CRPPA: variants seen among roughly 807,000 people sequenced by gnomAD.
CRPPA encodes CDP-L-ribitol pyrophosphorylase A, also known as D-ribitol-5-phosphate cytidylyltransferase.
CRPPA carries 43 observed loss-of-function variants against 52.0 expected under a neutral mutation model. The ratio of observed to expected loss-of-function variants is 0.83; its 90% CI spans 0.65 to 1.07. The LOEUF is 1.07. CRPPA is among the 50% of genes least tolerant of loss of function. The pLI is 0.00. For synonymous variants in CRPPA, 250 were observed against 203.5 expected (o/e 1.23, Z -1.94); for missense variants, 629 against 551.7 (o/e 1.14, Z -1.40).
At chr7:16,300,588 G>T (rs944518425) in intron 5 of CRPPA, among the ~76,000 whole-genome samples, 1 of 152,156 alleles carries the variant, frequency 6.6e-6, no homozygotes, top group African/African-American at 2.4e-5. Flanking sequence ...ATCTTTGACT[G>T]TCAAAACCAG....
chr7:16,317,584 G>T (rs1189667200), intron 3 of CRPPA, among the ~76,000 whole-genome samples: 1 of 152,028 alleles, frequency 6.6e-6, no homozygotes, highest in African/African-American at 2.4e-5. Flanking sequence ...AAAATAGTGG[G>T]ATTTATTTCT....
intron 5 of CRPPA, among the ~76,000 whole-genome samples, chr7:16,292,336 T>A (rs1784580499): frequency 6.6e-6 from 1 of 151,898 alleles, no homozygotes; most frequent in African/African-American, 2.4e-5. Context: ...CAGTTGTCCT[T>A]TTGTGCAGGA....
At chr7:16,303,338 G>T (rs1458402324) in intron 4 of CRPPA, among the ~76,000 whole-genome samples, 3 of 151,914 alleles carry the variant, frequency 2.0e-5, no homozygotes, top group Non-Finnish European at 2.9e-5. Context: ...CAAAGTTTCT[G>T]TACAAATCTA....
chr7:16,149,757 G>A (rs1467387480), intron 9 of CRPPA, among the ~76,000 whole-genome samples: 3 of 152,078 alleles, frequency 2.0e-5, no homozygotes, highest in African/African-American at 2.4e-5. Context: ...AGGCTGAGGC[G>A]AGCAGACTGC....
intron 8 of CRPPA, among the ~76,000 whole-genome samples, chr7:16,245,574 G>A (rs565388668): frequency 1.3e-5 from 2 of 152,192 alleles, no homozygotes; most frequent in African/African-American, 4.8e-5. Context: ...CCATCCTATG[G>A]ATACAGATTC....
intron 9 of CRPPA, among the ~76,000 whole-genome samples, chr7:16,176,657 T>C (rs1462500866): frequency 1.3e-5 from 2 of 152,080 alleles, no homozygotes; most frequent in African/African-American, 2.4e-5. Flanking sequence ...GTTCACACTG[T>C]ACTCTAACTC....
intron 9 of CRPPA, among the ~76,000 whole-genome samples, chr7:16,168,827 A>G (rs1781120123): frequency 1.3e-5 from 2 of 152,188 alleles, no homozygotes; most frequent in Admixed American, 1.3e-4. Context: ...CTTTATTTAC[A>G]CAAGCATTAA....
chr7:16,385,622 G>A (rs917583431), intron 2 of CRPPA, among the ~76,000 whole-genome samples: 1 of 152,132 alleles, frequency 6.6e-6, no homozygotes, highest in Non-Finnish European at 1.5e-5. Flanking sequence ...AGCAACAAAT[G>A]TTCAGCCTGA....
chr7:16,303,491 A>AAAAAAAAAAAAC (rs1554317851), intron 4 of CRPPA, among the ~76,000 whole-genome samples: 26 of 125,024 alleles, frequency 2.1e-4, no homozygotes, highest in Admixed American at 5.9e-4. Flanking sequence ...AAAAAAAAAA[A>AAAAAAAAAAAAC]AAAAAAAAAA....
At chr7:16,418,444 C>G (rs1390084243) in intron 1 of CRPPA, among the ~76,000 whole-genome samples, 1 of 152,158 alleles carries the variant, frequency 6.6e-6, no homozygotes, top group East Asian at 1.9e-4. Flanking sequence ...TGTTTTCACA[C>G]TGCTATAAAG....
chr7:16,406,060 C>G lies in CRPPA; in HGVS notation c.534+1G>C. 1 of 1,612,230 alleles carries G rather than the reference C, an allele frequency of 6.2e-7. No homozygotes were observed. Among genetic ancestry groups the G allele is most frequent in the East Asian group, 2.2e-5 (1 of 44,862 alleles). The stretch of plus-strand genomic sequence containing the variant: ...ATCTAGACTCAAGAAAAAAGACTTA[C>G]CCCGTGTTCCTTAGCAGCTGTGACA... On this transcript the variant is annotated splice_donor_variant, in intron 2 of 9. Coordinates refer to ENST00000407010, the MANE Select transcript of CRPPA (RefSeq NM_001101426.4). LOFTEE classifies it high-confidence loss of function.
At chr7:16,188,014 C>T (rs183272233) in intron 9 of CRPPA, among the ~76,000 whole-genome samples, 6 of 150,504 alleles carry the variant, frequency 4.0e-5, no homozygotes, top group African/African-American at 1.2e-4. Flanking sequence ...TGAACCAATG[C>T]CAGGACAGTT....
At chr7:16,405,876 GC>G (rs1257665516) in intron 2 of CRPPA, among the ~76,000 whole-genome samples, 184 bp downstream of exon 2, 2 of 152,098 alleles carry the variant, frequency 1.3e-5, no homozygotes, top group African/African-American at 4.8e-5. Context: ...GATGACTATA[GC>G]AAAAGATATG....
At chr7:16,325,927 T>C (rs1405682513) in intron 3 of CRPPA, among the ~76,000 whole-genome samples, 1 of 151,968 alleles carries the variant, frequency 6.6e-6, no homozygotes, top group African/African-American at 2.4e-5. Flanking sequence ...GGCAACACAA[T>C]AAAGGGATAA....
chr7:16,176,897 C>A (rs1781310917), intron 9 of CRPPA, among the ~76,000 whole-genome samples: 1 of 152,114 alleles, frequency 6.6e-6, no homozygotes. Flanking sequence ...GTCACAAAAT[C>A]TTGAAACAAA....
intron 2 of CRPPA, among the ~76,000 whole-genome samples, chr7:16,380,931 CA>C (rs1562666534): frequency 6.6e-6 from 1 of 151,682 alleles, no homozygotes. Flanking sequence ...TTGATCCTTT[CA>C]AAAAACCAGC....
At chr7:16,128,036 G>A (rs1782612122) in intron 9 of CRPPA, among the ~76,000 whole-genome samples, 1 of 152,140 alleles carries the variant, frequency 6.6e-6, no homozygotes. Flanking sequence ...GTGGGTCTTT[G>A]AGAAGTAACC....
At chr7:16,226,179 AATCT>A (rs1443948755) in intron 8 of CRPPA, among the ~76,000 whole-genome samples, 1 of 151,984 alleles carries the variant, frequency 6.6e-6, no homozygotes, top group East Asian at 1.9e-4. Context: ...GGAAATAGAT[AATCT>A]AATAATCAAA....
At chr7:16,263,138 T>A (rs1261245362) in intron 6 of CRPPA, among the ~76,000 whole-genome samples, 1 of 152,186 alleles carries the variant, frequency 6.6e-6, no homozygotes, top group Non-Finnish European at 1.5e-5. Context: ...ATTTTTCTCA[T>A]TAAAAACATG....
Sources: gnomAD v4.1 joint callset for allele counts (sites outside exome capture counted in the v4.1 genomes callset) on GRCh38, gnomAD v4.1.1 for gene constraint, MANE v1.5 for transcripts, NCBI Gene and HGNC (gene_info 2026-07-23, HGNC 2026-07-21) for gene names.